Variants in ADGRL2 observed in about 807,000 individuals in gnomAD.
ADGRL2 encodes the protein adhesion G protein-coupled receptor L2.
ADGRL2 carries 44 observed loss-of-function variants against 157.4 expected under a neutral mutation model. That is an observed-to-expected ratio of 0.28 (90% confidence interval 0.22 to 0.36). The LOEUF (loss-of-function observed/expected upper bound fraction) is 0.36. ADGRL2 is among the 10% of genes least tolerant of loss of function. ADGRL2 has a pLI of 1.00. For missense variants in ADGRL2, 1,510 were observed against 1,768.9 expected, an observed-to-expected ratio of 0.85 and a Z score of 2.63; for synonymous variants, 585 against 624.7, an observed-to-expected ratio of 0.94 and a Z score of 0.95.
intron 17 of ADGRL2, among the ~76,000 whole-genome samples, chr1:81,972,569 G>A (rs975789448): frequency 5.3e-5 from 8 of 152,026 alleles, no homozygotes; most frequent in African/African-American, 1.9e-4. Flanking sequence ...TTGAGATATA[G>A]TTGAAATAAA....
At chr1:81,532,774 G>A (rs975285461) in intron 2 of ADGRL2, among the ~76,000 whole-genome samples, 4 of 151,844 alleles carry the variant, frequency 2.6e-5, no homozygotes, top group Non-Finnish European at 4.4e-5. Context: ...TAAAAAATTA[G>A]CCAGGTGTGG....
intron 3 of ADGRL2, among the ~76,000 whole-genome samples, chr1:81,677,457 G>T (rs1034457620): frequency 1.3e-5 from 2 of 152,092 alleles, no homozygotes; most frequent in African/African-American, 4.8e-5. Flanking sequence ...TAGCATAAAG[G>T]AATAACTCAG....
intron 2 of ADGRL2, among the ~76,000 whole-genome samples, chr1:81,473,247 C>T (rs992201550): frequency 1.3e-5 from 2 of 151,994 alleles, no homozygotes; most frequent in East Asian, 1.9e-4. Context: ...TGGCAGAGGT[C>T]GTGAGTAAGA....
chr1:81,547,972 C>A (rs912594688), intron 2 of ADGRL2, among the ~76,000 whole-genome samples: 4 of 152,180 alleles, frequency 2.6e-5, no homozygotes, highest in African/African-American at 9.7e-5. Context: ...ATTCTTACAA[C>A]AACCCTGTTA....
At chr1:81,384,248 G>A (rs751439016) in intron 1 of ADGRL2, among the ~76,000 whole-genome samples, 7 of 152,134 alleles carry the variant, frequency 4.6e-5, no homozygotes, top group Non-Finnish European at 8.8e-5. Context: ...AAAAATGAGA[G>A]AAGTCTATAT....
chr1:81,743,082 C>CA (rs1176248563), intron 1 of ADGRL2, among the ~76,000 whole-genome samples: 1 of 151,736 alleles, frequency 6.6e-6, no homozygotes, highest in Non-Finnish European at 1.5e-5. Context: ...AGCTAAGAGA[C>CA]AAAACTGAAC....
In ADGRL2 at chr1:81,390,539, A is replaced by G. The variant is rs567372275; in HGVS notation, c.-301-54497A>G. 4.0e-5 allele frequency among the ~76,000 whole-genome samples: 6 copies of G among 151,042 alleles called. No individual in the cohort carries two copies. In the South Asian group the frequency reaches 8.3e-4, roughly 21 times the overall value. ...CTTATGACAGGAAAGCTCAAATAGCATGATAGATAATAATGTGAACAGTAA... is the reference window on the plus strand; with the variant it reads ...CTTATGACAGGAAAGCTCAAATAGCGTGATAGATAATAATGTGAACAGTAA... On this transcript the variant is annotated intron_variant, in intron 1 of 24. Coordinates refer to the ADGRL2 transcript ENST00000370721.
At chr1:81,927,192 A>G (rs866423193) in intron 3 of ADGRL2, among the ~76,000 whole-genome samples, 59 of 152,046 alleles carry the variant, frequency 3.9e-4, no homozygotes, top group African/African-American at 1.3e-3. Context: ...TTGATTTTCC[A>G]TAGGATTTTA....
intron 3 of ADGRL2, among the ~76,000 whole-genome samples, chr1:81,914,155 G>A (rs191262136): frequency 8.5e-5 from 13 of 152,070 alleles, no homozygotes; most frequent in Admixed American, 2.6e-4. Context: ...GTATACTCTC[G>A]TTGACGTACA....
At chr1:81,340,907 T>TA (rs1662024472) in intron 1 of ADGRL2, among the ~76,000 whole-genome samples, 1 of 151,558 alleles carries the variant, frequency 6.6e-6, no homozygotes, top group African/African-American at 2.4e-5. Context: ...TTTTTTTTTT[T>TA]AAATGGAACC....
chr1:81,440,410 G>T (rs1570973726), intron 1 of ADGRL2, among the ~76,000 whole-genome samples: 1 of 152,208 alleles, frequency 6.6e-6, no homozygotes, highest in South Asian at 2.1e-4. Flanking sequence ...CTTAAAGGTT[G>T]GACATTATTC....
chr1:81,778,052 G>A (rs1482935567), intron 2 of ADGRL2, among the ~76,000 whole-genome samples: 1 of 152,118 alleles, frequency 6.6e-6, no homozygotes, highest in Non-Finnish European at 1.5e-5. Flanking sequence ...CAGGCGCGGT[G>A]GCTCACGCCT....
In ADGRL2 at chr1:81,979,859, G is replaced by A. The variant is rs1300631521; in HGVS notation, c.3022-10G>A. The A allele has an allele frequency of 1.3e-6, 2 of 1,539,182 alleles. No individual in the cohort carries two copies. The highest frequency in any genetic ancestry group is 1.8e-6 in the Non-Finnish European group (2 of 1,114,646). On this transcript the variant is annotated splice_polypyrimidine_tract_variant and intron_variant, in intron 17 of 23. Coordinates refer to ENST00000686636, the MANE Select transcript of ADGRL2 (RefSeq NM_001366006.2). ...TTCATTGTGGTCTAATTCTTTATTT[G>A]TTACAACAGCTAAATATTATCTTCT...
At chr1:81,512,437 G>A (rs1276052331) in intron 2 of ADGRL2, among the ~76,000 whole-genome samples, 1 of 152,164 alleles carries the variant, frequency 6.6e-6, no homozygotes, top group Non-Finnish European at 1.5e-5. Flanking sequence ...CAGCAGTTCT[G>A]TGTAGTTGCT....
At chr1:81,615,203 T>C (rs531326073) in intron 3 of ADGRL2, among the ~76,000 whole-genome samples, 15 of 152,274 alleles carry the variant, frequency 9.9e-5, no homozygotes, top group Admixed American at 3.3e-4. Flanking sequence ...ACTCTGTATC[T>C]AGCTAAAGGA....
At chr1:81,404,015 C>T (rs2076810068) in intron 1 of ADGRL2, among the ~76,000 whole-genome samples, 1 of 152,078 alleles carries the variant, frequency 6.6e-6, no homozygotes, top group African/African-American at 2.4e-5. Context: ...CCAGGTTGGT[C>T]TCGATCTCTT....
At chr1:81,914,223 G>A (rs1480926609) in intron 3 of ADGRL2, among the ~76,000 whole-genome samples, 1 of 152,056 alleles carries the variant, frequency 6.6e-6, no homozygotes, top group Non-Finnish European at 1.5e-5. Flanking sequence ...TTGTATCCAA[G>A]TCAGAGCTAT....
chr1:81,511,623 A>G (rs1198763283), intron 2 of ADGRL2, among the ~76,000 whole-genome samples: 2 of 152,078 alleles, frequency 1.3e-5, no homozygotes, highest in African/African-American at 4.8e-5. Flanking sequence ...TTAAATTAGT[A>G]ATCTCACTTT....
chr1:81,798,150 A>C (rs1412379513), upstream of ADGRL2, among the ~76,000 whole-genome samples: 2 of 151,982 alleles, frequency 1.3e-5, no homozygotes, highest in African/African-American at 4.8e-5. Context: ...TTCTCATTTC[A>C]TTTTTTTCTA....
Sources: gnomAD v4.1 joint callset for allele counts (sites outside exome capture counted in the v4.1 genomes callset) on GRCh38, gnomAD v4.1.1 for gene constraint, MANE v1.5 for transcripts, NCBI Gene and HGNC (gene_info 2026-07-23, HGNC 2026-07-21) for gene names.